Variants in CADM2 observed in about 807,000 individuals in gnomAD.
The protein encoded by CADM2 is cell adhesion molecule 2, also known as immunoglobulin superfamily member 4D.
In CADM2, 12 loss-of-function variants were observed where a neutral mutation model predicts 49.8. That is an observed-to-expected ratio of 0.24 (90% CI 0.15 to 0.39). The LOEUF is 0.39. Among genes scored for constraint, CADM2 ranks in the 10% least tolerant of loss-of-function variants. CADM2 has a pLI of 1.00. For synonymous variants in CADM2, 214 were observed against 175.4 expected, an observed-to-expected ratio of 1.22 and a Z score of -1.74; for missense variants, 378 against 492.3, an observed-to-expected ratio of 0.77 and a Z score of 2.20.
intron 8 of CADM2, among the ~76,000 whole-genome samples, chr3:86,059,221 C>T (rs61016739): frequency 0.011 from 1,742 of 151,862 alleles, 34 homozygotes; most frequent in East Asian, 0.064. Flanking sequence ...ATTTTAAGAA[C>T]AGAAAACACA....
intron 3 of CADM2, among the ~76,000 whole-genome samples, chr3:85,837,154 C>A (rs544319882): frequency 1.3e-5 from 2 of 151,630 alleles, no homozygotes; most frequent in East Asian, 3.9e-4. Flanking sequence ...ATCGTCCTAA[C>A]AACACAAATT....
chr3:85,682,930 T>C (rs2066081156), intron 1 of CADM2, among the ~76,000 whole-genome samples: 2 of 152,024 alleles, frequency 1.3e-5, no homozygotes, highest in African/African-American at 2.4e-5. Context: ...CTAGAAGATT[T>C]TGGTAGGTGT....
chr3:85,698,450 G>T (rs766629926), intron 1 of CADM2, among the ~76,000 whole-genome samples: 1 of 152,122 alleles, frequency 6.6e-6, no homozygotes, highest in Non-Finnish European at 1.5e-5. Context: ...ATAAAGAAAA[G>T]AGCTGTAATT....
At chr3:85,516,936 A>T (rs1470216800) in intron 1 of CADM2, among the ~76,000 whole-genome samples, 1 of 151,734 alleles carries the variant, frequency 6.6e-6, no homozygotes, top group African/African-American at 2.4e-5. Context: ...CACTTCCTTA[A>T]TTTTTCCAAC....
intron 1 of CADM2, among the ~76,000 whole-genome samples, chr3:84,971,350 G>A (rs1383892055): frequency 6.6e-6 from 1 of 152,074 alleles, no homozygotes; most frequent in East Asian, 1.9e-4. Flanking sequence ...GAAGTTGTAT[G>A]TTCAATAACA....
intron 1 of CADM2, among the ~76,000 whole-genome samples, chr3:85,511,358 A>G (rs549650084): frequency 6.6e-6 from 1 of 152,246 alleles, no homozygotes; most frequent in Admixed American, 6.5e-5. Context: ...TGTAATTTGC[A>G]AACAGTGTAA....
chr3:85,247,156 C>T (rs916431274), intron 1 of CADM2, among the ~76,000 whole-genome samples: 1 of 152,016 alleles, frequency 6.6e-6, no homozygotes. Flanking sequence ...TAACTTAAAT[C>T]ATACTCTGAA....
rs984027831 is a variant in CADM2 at position 86,019,750 on chromosome 3, G to C, written c.971-45855G>C. 3.9e-5 allele frequency among the ~76,000 whole-genome samples: 6 copies of C among 152,106 alleles called. 1 individual carries two copies. The highest frequency in any genetic ancestry group is 1.4e-4 in the African/African-American group (6 of 41,398). ...TTTTGTATCCTGAGATTTTGCTGAA[G>C]TTGCTTATCAGCTTAAGGAGATTTT... On this transcript the variant is annotated intron_variant, in intron 8 of 9. Transcript: ENST00000383699.
rs1481973608 is a variant in CADM2, at chr3:85,293,534, C to A, written c.61+333866C>A. On this transcript the variant is annotated intron_variant, in intron 1 of 9. Coordinates refer to ENST00000383699, the MANE Select transcript of CADM2 (RefSeq NM_001167675.2). ...CCTTGATGAACATTGATGCAAAAATCCTCAATAAAATACTGGCAAAACGAA... is the reference window on the plus strand; with the variant it reads ...CCTTGATGAACATTGATGCAAAAATACTCAATAAAATACTGGCAAAACGAA... 4.6e-5 allele frequency among the ~76,000 whole-genome samples: 6 copies of A among 131,496 alleles called. No individual in the cohort carries two copies. In the East Asian group the frequency reaches 1.2e-3, roughly 27 times the overall value. 86.3% of individuals were successfully genotyped at this position (131,496 alleles called of 152,430 possible).
intron 6 of CADM2, among the ~76,000 whole-genome samples, chr3:85,928,541 C>A (rs1720187686): frequency 1.3e-5 from 2 of 151,712 alleles, no homozygotes; most frequent in Admixed American, 6.6e-5. Flanking sequence ...ATATGTCAGA[C>A]AAAGGTAAAG....
At chr3:85,562,810 G>T (rs2062137696) in intron 1 of CADM2, among the ~76,000 whole-genome samples, 1 of 151,984 alleles carries the variant, frequency 6.6e-6, no homozygotes, top group African/African-American at 2.4e-5. Flanking sequence ...CCATTTTAGA[G>T]ATTTGTCCAC....
intron 7 of CADM2, among the ~76,000 whole-genome samples, chr3:85,947,115 C>A (rs1369228190): frequency 1.3e-5 from 2 of 151,902 alleles, no homozygotes; most frequent in African/African-American, 2.4e-5. Context: ...AACAAACAAC[C>A]CCATCAACAA....
chr3:86,026,348 T>G (rs892669320), intron 8 of CADM2, among the ~76,000 whole-genome samples: 1 of 152,074 alleles, frequency 6.6e-6, no homozygotes, highest in African/African-American at 2.4e-5. Context: ...CATTTTTTTT[T>G]TGGTTTTTTT....
intron 1 of CADM2, among the ~76,000 whole-genome samples, chr3:85,543,420 A>ATGTGTGTGGGGGTGTGTGTGTGTGGG (rs372108050): frequency 7.7e-6 from 1 of 129,584 alleles, no homozygotes. Context: ...TGCCAAGCTA[A>ATGTGTGTGGGGGTGTGTGTGTGTGGG]TGTGTGTGTG....
At chr3:85,072,647 A>G (rs540202070) in intron 1 of CADM2, among the ~76,000 whole-genome samples, 2 of 152,220 alleles carry the variant, frequency 1.3e-5, no homozygotes, top group South Asian at 4.1e-4. Context: ...TGTGCATAAA[A>G]CAGAAATACA....
chr3:85,651,107 A>ATGTATTTAAT (rs2065030647), intron 1 of CADM2, among the ~76,000 whole-genome samples: 1 of 152,002 alleles, frequency 6.6e-6, no homozygotes, highest in African/African-American at 2.4e-5. Context: ...TCAGGGCTAC[A>ATGTATTTAAT]ACATAAATAA....
intron 1 of CADM2, among the ~76,000 whole-genome samples, chr3:85,226,263 TG>T (rs1473825192): frequency 7.9e-5 from 12 of 151,904 alleles, no homozygotes; most frequent in African/African-American, 2.9e-4. Context: ...TTTTTTTTTT[TG>T]ATTGGTATGC....
intron 7 of CADM2, among the ~76,000 whole-genome samples, chr3:85,940,751 C>A (rs1044297893): frequency 1.3e-5 from 2 of 151,948 alleles, no homozygotes; most frequent in African/African-American, 4.8e-5. Context: ...AGAATGCAGA[C>A]CTGGGTTTAA....
chr3:85,718,362 G>A (rs1327297778), intron 1 of CADM2, among the ~76,000 whole-genome samples: 1 of 152,104 alleles, frequency 6.6e-6, no homozygotes, highest in Non-Finnish European at 1.5e-5. Context: ...TTTTATTCCT[G>A]TACTTCCTTA....
Sources: allele counts gnomAD v4.1 joint callset (sites outside exome capture counted in the v4.1 genomes callset), GRCh38; gene constraint gnomAD v4.1.1; transcripts MANE v1.5; gene names NCBI Gene and HGNC (gene_info 2026-07-23, HGNC 2026-07-21).